TSC22D1: variants seen among roughly 807,000 people sequenced by gnomAD.
The protein encoded by TSC22D1 is TSC22 domain family member 1.
TSC22D1 carries 9 observed loss-of-function variants against 74.2 expected under a neutral mutation model. The ratio of observed to expected loss-of-function variants is 0.12; its 90% CI spans 0.07 to 0.21. The LOEUF is 0.21. Among genes scored for constraint, TSC22D1 ranks in the 10% least tolerant of loss-of-function variants. The pLI, the probability that TSC22D1 is intolerant of heterozygous loss-of-function variation, is 1.00. For missense variants in TSC22D1, 1,427 were observed against 1,304.7 expected, an observed-to-expected ratio of 1.09 and a Z score of -1.44; for synonymous variants, 586 against 492.5, an observed-to-expected ratio of 1.19 and a Z score of -2.51.
chr13:44,487,498 C>CAAAAAAAAAAAAAAAAAAAAAA (rs61034237), intron 1 of TSC22D1, among the ~76,000 whole-genome samples: 1 of 23,454 alleles, frequency 4.3e-5, no homozygotes, highest in Non-Finnish European at 6.5e-5. Context: ...GACTCCATCT[C>CAAAAAAAAAAAAAAAAAAAAAA]AAAAAAAAAA....
Position 44,433,827 on chromosome 13 carries a change from G to C in TSC22D1, c.*799C>G. 1.5e-6 allele frequency: 1 copy of C among 657,418 alleles called. No individual in the cohort carries two copies. The highest frequency in any genetic ancestry group is 2.3e-6 in the Non-Finnish European group (1 of 426,940). The allele number at this position is 657,418 out of a possible 1,614,324, so 40.7% of individuals were successfully genotyped here. A position where few individuals can be genotyped will look rare whatever the true frequency, so the allele number is the denominator to read the frequency against. ...AATTCTTAAAATTTCTTTAGGTGTG[G>C]TTTTTGTCATGTAGCAGTTTTTATG... On this transcript the variant is annotated 3_prime_UTR_variant, in exon 3 of 3. Transcript: ENST00000458659.
At chr13:44,537,177 GA>G (rs1458379636) in intron 1 of TSC22D1, 15 of 872,724 alleles carry the variant, frequency 1.7e-5, no homozygotes, top group South Asian at 5.3e-5. Flanking sequence ...AGTCATTCTA[GA>G]AAAAAATAGT....
At chr13:44,518,054 A>G (rs1386697923) in intron 1 of TSC22D1, among the ~76,000 whole-genome samples, 1 of 145,180 alleles carries the variant, frequency 6.9e-6, no homozygotes, top group Non-Finnish European at 1.5e-5. Flanking sequence ...ACAGGTCTCT[A>G]TGTTGTCCAG....
In TSC22D1 at chr13:44,574,052, C is replaced by G; in HGVS notation, c.2023G>C (p.Ala675Pro). 1.2e-6 allele frequency: 2 copies of G among 1,614,198 alleles called. No individual in the cohort carries two copies. The highest frequency in any genetic ancestry group is 1.7e-6 in the Non-Finnish European group (2 of 1,180,056). ...TAMSSGQPSS[A>P]GVGAGTTVIP... is the part of the protein sequence containing the mutation. ...ACTGTTGTTCCTGCTCCTACTCCTG[C>G]AGAACTGGGCTGTCCGGAGGACATT... The change falls in exon 1 of 3, where the codon GCA becomes CCA. Residue 675 changes from alanine (A) to proline (P), a missense_variant. This residue lies in a region of TSC22D1 where 1,343 missense variants were observed against 1,191.5 expected (regional missense o/e 1.13). Coordinates refer to ENST00000458659, the MANE Select transcript of TSC22D1 (RefSeq NM_183422.4).
chr13:44,514,248 T>C (rs779705352), intron 1 of TSC22D1, among the ~76,000 whole-genome samples: 6 of 152,092 alleles, frequency 3.9e-5, no homozygotes, highest in Non-Finnish European at 8.8e-5. Context: ...TTAAGATTTA[T>C]GTAGGAAAAA....
At chr13:44,477,787 C>G (rs113512366) in intron 1 of TSC22D1, among the ~76,000 whole-genome samples, 6 of 152,024 alleles carry the variant, frequency 3.9e-5, no homozygotes, top group Admixed American at 3.3e-4. Flanking sequence ...GGCTTACAGG[C>G]GGGTGCCACC....
chr13:44,545,601 A>ATAATCTT (rs1881771981), intron 1 of TSC22D1, among the ~76,000 whole-genome samples: 1 of 149,920 alleles, frequency 6.7e-6, no homozygotes, highest in Non-Finnish European at 1.5e-5. Context: ...AAAAAAAAGG[A>ATAATCTT]TAATCTTCCT....
rs1257710015 is a variant in TSC22D1 at position 44,575,863 on chromosome 13, G to A, written c.212C>T (p.Ala71Val). The change falls in exon 1 of 3, where the codon GCA becomes GTA. Residue 71 changes from alanine to valine, a missense_variant. Physicochemically the swap from Ala to Val is moderately conservative, Grantham distance 64 (BLOSUM62 0). This residue lies in a region of TSC22D1 where 1,343 missense variants were observed against 1,191.5 expected (regional missense o/e 1.13). Coordinates refer to ENST00000458659, the MANE Select transcript of TSC22D1 (RefSeq NM_183422.4). ...PSLLQPPPPAASSTSGPQPPP... is the reference protein window; with the variant it reads ...PSLLQPPPPAVSSTSGPQPPP... Reference sequence around the variant, plus strand: ...AGGCTGTGGTCCCGACGTAGAAGATGCTGCAGGGGGCGGCGGCTGAAGCAG... The same window carrying A: ...AGGCTGTGGTCCCGACGTAGAAGATACTGCAGGGGGCGGCGGCTGAAGCAG... 1.2e-6 allele frequency: 2 copies of A among 1,614,094 alleles called. No homozygotes were observed. Among genetic ancestry groups the A allele is most frequent in the East Asian group, 2.2e-5 (1 of 44,870 alleles).
chr13:44,454,189 A>G (rs987386391), intron 1 of TSC22D1, among the ~76,000 whole-genome samples: 27 of 152,210 alleles, frequency 1.8e-4, no homozygotes, highest in African/African-American at 6.3e-4. Flanking sequence ...TGGCTTTAAT[A>G]CATTAGATTG....
intron 1 of TSC22D1, among the ~76,000 whole-genome samples, chr13:44,529,282 A>G (rs1460487860): frequency 1.3e-5 from 2 of 152,064 alleles, no homozygotes; most frequent in Non-Finnish European, 2.9e-5. Flanking sequence ...TCAAAAGTCA[A>G]TCTATAAAAT....
chr13:44,511,044 G>T (rs1879688564), intron 1 of TSC22D1, among the ~76,000 whole-genome samples: 1 of 152,182 alleles, frequency 6.6e-6, no homozygotes, highest in South Asian at 2.1e-4. Flanking sequence ...CCAGCGTTCT[G>T]GGAGGCAGAG....
intron 1 of TSC22D1, chr13:44,451,398 G>T (rs942337476): frequency 1.3e-5 from 2 of 152,218 alleles, no homozygotes; most frequent in African/African-American, 4.8e-5. Flanking sequence ...AACAGACTGG[G>T]TTCTTTTTTT....
At chr13:44,457,892 T>G (rs1044393894) in intron 1 of TSC22D1, among the ~76,000 whole-genome samples, 2 of 152,224 alleles carry the variant, frequency 1.3e-5, no homozygotes, top group African/African-American at 4.8e-5. Flanking sequence ...TGGCTATATA[T>G]TGGGTCAAAC....
At chr13:44,484,312 T>C (rs1440458238) in intron 1 of TSC22D1, among the ~76,000 whole-genome samples, 1 of 152,202 alleles carries the variant, frequency 6.6e-6, no homozygotes. Flanking sequence ...GTAACAAGAT[T>C]TCCATTTCTT....
At chr13:44,552,992 C>T (rs1339930838) in intron 1 of TSC22D1, among the ~76,000 whole-genome samples, 1 of 151,252 alleles carries the variant, frequency 6.6e-6, no homozygotes, top group Non-Finnish European at 1.5e-5. Context: ...CATCTCAAAA[C>T]AAACAAACAA....
intron 1 of TSC22D1, among the ~76,000 whole-genome samples, chr13:44,508,687 C>G (rs1251143531): frequency 1.3e-5 from 2 of 152,128 alleles, no homozygotes; most frequent in African/African-American, 2.4e-5. Context: ...GAACCTAACT[C>G]TTACAGGGCC....
intron 1 of TSC22D1, among the ~76,000 whole-genome samples, chr13:44,467,407 C>T (rs1043049565): frequency 6.6e-6 from 1 of 151,974 alleles, no homozygotes; most frequent in Admixed American, 6.6e-5. Context: ...ATGGGACTTA[C>T]TTAAACTAAA....
chr13:44,556,544 A>G (rs1882653294), intron 1 of TSC22D1, among the ~76,000 whole-genome samples: 1 of 141,952 alleles, frequency 7.0e-6, no homozygotes, highest in East Asian at 2.1e-4. Context: ...ACGCCATCTC[A>G]AAAAAAAAAA....
At chr13:44,541,864 C>CT (rs1355400667) in intron 1 of TSC22D1, among the ~76,000 whole-genome samples, 6 of 152,066 alleles carry the variant, frequency 3.9e-5, no homozygotes, top group Non-Finnish European at 8.8e-5. Context: ...TACGTTGGAG[C>CT]TATCTACATA....
Sources: allele counts gnomAD v4.1 joint callset (sites outside exome capture counted in the v4.1 genomes callset), GRCh38; gene constraint gnomAD v4.1.1; regional missense constraint gnomAD v4.1.1; transcripts MANE v1.5; gene names NCBI Gene and HGNC (gene_info 2026-07-23, HGNC 2026-07-21).